The following PLXNC1 variants were observed in gnomAD, a reference collection of about 807,000 sequenced individuals.
The protein encoded by PLXNC1 is plexin-C1.
PLXNC1 carries 75 observed loss-of-function variants against 178.2 expected under a neutral mutation model. That is an observed-to-expected ratio of 0.42 (90% CI 0.35 to 0.51). The LOEUF (loss-of-function observed/expected upper bound fraction) is 0.51. PLXNC1 is among the 20% of genes least tolerant of loss of function. The pLI is 0.02. For synonymous variants in PLXNC1, 790 were observed against 779.9 expected, an observed-to-expected ratio of 1.01 and a Z score of -0.22; for missense variants, 1,503 against 1,984.4, an observed-to-expected ratio of 0.76 and a Z score of 4.61.
At chr12:94,178,711 T>G (rs2135956225) in intron 2 of PLXNC1, among the ~76,000 whole-genome samples, 1 of 152,328 alleles carries the variant, frequency 6.6e-6, no homozygotes, top group Non-Finnish European at 1.5e-5. Flanking sequence ...GCCAGTCACC[T>G]TAGGTAGCTA....
intron 23 of PLXNC1, among the ~76,000 whole-genome samples, chr12:94,284,079 T>C (rs1010474486): frequency 4.6e-5 from 6 of 130,544 alleles, no homozygotes; most frequent in Admixed American, 2.6e-4. Context: ...CAAGACTCCA[T>C]GTCAGGGGAA....
At position 94,298,799 on chromosome 12, in the gene PLXNC1, G is replaced by T; in HGVS notation, c.4238+4G>T. The T allele has an allele frequency of 6.2e-7, 1 of 1,608,076 alleles. No homozygotes were observed. The highest frequency in any genetic ancestry group is 8.5e-7 in the Non-Finnish European group (1 of 1,178,490). On this transcript the variant is annotated splice_donor_region_variant and intron_variant, in intron 27 of 30. Coordinates refer to ENST00000258526, the MANE Select transcript of PLXNC1 (RefSeq NM_005761.3). ...TACATATTTGGAAAACAAACAGGTG[G>T]GAATGTAGGTGATTAGTGACTGTTT...
At chr12:94,235,138 T>G (rs1044626734) in intron 9 of PLXNC1, among the ~76,000 whole-genome samples, 1 of 152,098 alleles carries the variant, frequency 6.6e-6, no homozygotes, top group African/African-American at 2.4e-5. Flanking sequence ...AAGCACCCAC[T>G]TTCACAAGAC....
intron 10 of PLXNC1, among the ~76,000 whole-genome samples, chr12:94,238,455 C>T (rs760037750): frequency 2.7e-5 from 4 of 150,562 alleles, no homozygotes; most frequent in Non-Finnish European, 4.4e-5. Context: ...CAATTTCTAC[C>T]GATGTCCTTG....
intron 5 of PLXNC1, among the ~76,000 whole-genome samples, chr12:94,214,277 A>T (rs1963580292): frequency 6.6e-6 from 1 of 151,878 alleles, no homozygotes; most frequent in South Asian, 2.1e-4. Flanking sequence ...TATAGAGATA[A>T]GGTCTCCCTA....
chr12:94,279,145 CTTTTTT>C, intron 21 of PLXNC1, among the ~76,000 whole-genome samples: 1 of 152,118 alleles, frequency 6.6e-6, no homozygotes, highest in Admixed American at 6.5e-5. Context: ...CCTTCCAATT[CTTTTTT>C]TTCTTTTTCT....
intron 2 of PLXNC1, among the ~76,000 whole-genome samples, chr12:94,174,981 T>G (rs562896533): frequency 9.2e-4 from 140 of 152,356 alleles, no homozygotes; most frequent in African/African-American, 3.1e-3. Flanking sequence ...CTACCTACAC[T>G]GCAATAAGTA....
chr12:94,194,073 T>C (rs1592751844), intron 4 of PLXNC1, among the ~76,000 whole-genome samples: 3 of 152,018 alleles, frequency 2.0e-5, no homozygotes, highest in African/African-American at 7.2e-5. Context: ...TCAGGAAACT[T>C]ACAATCATGG....
At chr12:94,274,041 C>T (rs1965753117) in intron 21 of PLXNC1, among the ~76,000 whole-genome samples, 1 of 151,260 alleles carries the variant, frequency 6.6e-6, no homozygotes, top group Non-Finnish European at 1.5e-5. Flanking sequence ...AGACTTCCAA[C>T]AGGGTGTGGT....
intron 4 of PLXNC1, among the ~76,000 whole-genome samples, chr12:94,196,810 C>A (rs942546246): frequency 6.6e-6 from 1 of 152,186 alleles, no homozygotes; most frequent in Non-Finnish European, 1.5e-5. Flanking sequence ...CCATTTAGTC[C>A]TCCTGGTACC....
At chr12:94,265,367 T>C (rs1965178020) in intron 21 of PLXNC1, 142 bp downstream of exon 21, 1 of 668,676 alleles carries the variant, frequency 1.5e-6, no homozygotes, top group South Asian at 2.5e-5. Context: ...AAACAGTAGT[T>C]GATAAAACTG....
intron 1 of PLXNC1, among the ~76,000 whole-genome samples, chr12:94,165,671 G>A (rs890578286): frequency 6.6e-6 from 1 of 152,122 alleles, no homozygotes; most frequent in South Asian, 2.1e-4. Context: ...ACCAACAGTG[G>A]CTTAAACCAT....
At chr12:94,152,213 C>G (rs1416918461) in intron 1 of PLXNC1, among the ~76,000 whole-genome samples, 1 of 152,076 alleles carries the variant, frequency 6.6e-6, no homozygotes, top group African/African-American at 2.4e-5. Flanking sequence ...AAGTAAATTC[C>G]TTGCTGCTAG....
intron 5 of PLXNC1, among the ~76,000 whole-genome samples, chr12:94,211,049 AGTGGGAGGAAGTAGC>A (rs1317333982): frequency 2.0e-5 from 3 of 152,246 alleles, no homozygotes; most frequent in African/African-American, 7.2e-5. Context: ...AGCTAAATGT[AGTGGGAGGAAGTAGC>A]TTGTTCATTA....
intron 2 of PLXNC1, among the ~76,000 whole-genome samples, chr12:94,179,691 A>G (rs1349563876): frequency 6.6e-6 from 1 of 150,934 alleles, no homozygotes; most frequent in African/African-American, 2.4e-5. Context: ...CAGTGAGCCA[A>G]GATCGCACCA....
At chr12:94,227,316 C>A in intron 9 of PLXNC1, 81 bp downstream of exon 9, 1 of 788,200 alleles carries the variant, frequency 1.3e-6, no homozygotes. Flanking sequence ...CTTTGGGTTC[C>A]TTAAAAAAAT....
intron 1 of PLXNC1, among the ~76,000 whole-genome samples, chr12:94,152,294 T>C (rs1168814546): frequency 1.3e-5 from 2 of 152,206 alleles, no homozygotes; most frequent in Non-Finnish European, 2.9e-5. Context: ...GTAGTTTTGA[T>C]GAAAAAGCTG....
intron 23 of PLXNC1, among the ~76,000 whole-genome samples, chr12:94,291,000 G>C (rs534453526): frequency 6.6e-6 from 1 of 152,318 alleles, no homozygotes; most frequent in Admixed American, 6.5e-5. Context: ...CCTGCCCCCA[G>C]CATCTTGGCA....
At chr12:94,257,512 G>C (rs181043945) in intron 17 of PLXNC1, among the ~76,000 whole-genome samples, 210 of 152,312 alleles carry the variant, frequency 1.4e-3, no homozygotes, top group Non-Finnish European at 2.3e-3. Flanking sequence ...GGTGGCTCAA[G>C]CCTGTAATCC....
Sources: gnomAD v4.1 joint callset for allele counts (sites outside exome capture counted in the v4.1 genomes callset) on GRCh38, gnomAD v4.1.1 for gene constraint, MANE v1.5 for transcripts, NCBI Gene and HGNC (gene_info 2026-07-23, HGNC 2026-07-21) for gene names.